The following WDR19 variants were observed in gnomAD, a reference collection of about 807,000 sequenced individuals.
The protein encoded by WDR19 is WD repeat domain 19, also known as WD repeat-containing protein 19.
In WDR19, 121 loss-of-function variants were observed where a neutral mutation model predicts 180.0. The observed-to-expected ratio is 0.67, with a 90% CI of 0.58 to 0.78. The LOEUF (loss-of-function observed/expected upper bound fraction) is 0.78, where lower values mean the gene tolerates loss of function less well. Ranked by LOEUF, WDR19 falls within the 30% of genes least tolerant of loss-of-function variation. The pLI, the probability that WDR19 is intolerant of heterozygous loss-of-function variation, is 0.00. For synonymous variants in WDR19, 497 were observed against 540.7 expected (o/e 0.92, Z 1.12); for missense variants, 1,450 against 1,640.7 (o/e 0.88, Z 2.01).
intron 36 of WDR19, among the ~76,000 whole-genome samples, chr4:39,281,785 C>T (rs185816339): frequency 3.3e-5 from 5 of 152,200 alleles, no homozygotes; most frequent in Admixed American, 2.0e-4. Flanking sequence ...TCTCTCAAGG[C>T]GATAATCATC....
intron 7 of WDR19, among the ~76,000 whole-genome samples, chr4:39,204,912 C>G (rs1170552202): frequency 6.6e-6 from 1 of 152,144 alleles, no homozygotes; most frequent in Non-Finnish European, 1.5e-5. Context: ...TAAATGGACA[C>G]TCCACAAAGG....
intron 5 of WDR19, chr4:39,194,891 C>T (rs1202874971): frequency 2.0e-5 from 9 of 449,364 alleles, no homozygotes; most frequent in Non-Finnish European, 3.2e-5. Flanking sequence ...CTGTGCCTTT[C>T]GCATCAGGAC....
At chr4:39,200,373 A>T (rs762269329) in intron 6 of WDR19, among the ~76,000 whole-genome samples, 7 of 152,244 alleles carry the variant, frequency 4.6e-5, no homozygotes, top group Non-Finnish European at 7.3e-5. Context: ...GATGCAGCTT[A>T]TCTGGGTGTC....
intron 28 of WDR19, among the ~76,000 whole-genome samples, chr4:39,261,656 A>G (rs527979551): frequency 6.6e-6 from 1 of 152,332 alleles, no homozygotes; most frequent in African/African-American, 2.4e-5. Context: ...AAGACATGGA[A>G]TTTCCACTAG....
intron 14 of WDR19, among the ~76,000 whole-genome samples, chr4:39,221,344 C>T (rs573307109): frequency 2.9e-4 from 44 of 152,238 alleles, no homozygotes; most frequent in African/African-American, 1.0e-3. Flanking sequence ...CTAAGATTTC[C>T]TGATGGAAAA....
chr4:39,285,788 TTAAAA>T lies in WDR19; in HGVS notation c.*322_*326del, dbSNP rs949426737. On this transcript the variant is annotated 3_prime_UTR_variant, in exon 37 of 37. Transcript: ENST00000399820. ...GCTAACTTTTGTATTTTGAAAAACT[TTAAAA>T]TAAAATTGTTGACTAGATATCTGTG... 1 of 152,230 alleles carries T rather than the reference TTAAAA, an allele frequency of 6.6e-6. No individual in the cohort carries two copies. The highest frequency in any genetic ancestry group is 1.5e-5 in the Non-Finnish European group (1 of 68,048). The allele number at this position is 152,230 out of a possible 1,614,324, so 9.4% of individuals were successfully genotyped here.
At chr4:39,206,286 T>G (rs1727945507) in intron 9 of WDR19, among the ~76,000 whole-genome samples, 2 of 152,188 alleles carry the variant, frequency 1.3e-5, no homozygotes, top group Non-Finnish European at 1.5e-5. Context: ...GTTTTCTTTT[T>G]CTTTTTTTGT....
intron 9 of WDR19, among the ~76,000 whole-genome samples, chr4:39,207,255 T>G (rs1728056366): frequency 6.6e-6 from 1 of 152,150 alleles, no homozygotes; most frequent in Non-Finnish European, 1.5e-5. Context: ...AGAGAGATCA[T>G]TAGAAAATAT....
intron 15 of WDR19, among the ~76,000 whole-genome samples, chr4:39,227,590 T>C (rs1381904495): frequency 6.6e-6 from 1 of 152,192 alleles, no homozygotes; most frequent in Non-Finnish European, 1.5e-5. Context: ...CTAGAGATGA[T>C]TTAAAGTATA....
At chr4:39,230,980 G>A (rs1490461229) in intron 17 of WDR19, among the ~76,000 whole-genome samples, 1 of 152,118 alleles carries the variant, frequency 6.6e-6, no homozygotes, top group Non-Finnish European at 1.5e-5. Context: ...ACTCAGTCTG[G>A]CTGTTGTAGC....
intron 32 of WDR19, chr4:39,273,284 A>G: frequency 2.0e-6 from 1 of 507,294 alleles, no homozygotes; most frequent in Non-Finnish European, 3.4e-6. Flanking sequence ...GCCGAGATTT[A>G]TCACAGCAAA....
intron 24 of WDR19, among the ~76,000 whole-genome samples, chr4:39,249,907 A>G (rs1316829904): frequency 6.6e-6 from 1 of 152,180 alleles, no homozygotes; most frequent in Non-Finnish European, 1.5e-5. Context: ...GCCAAATTCT[A>G]CCAGAGGTAC....
intron 20 of WDR19, among the ~76,000 whole-genome samples, chr4:39,236,113 C>G (rs1731347964): frequency 6.6e-6 from 1 of 152,126 alleles, no homozygotes; most frequent in South Asian, 2.1e-4. Flanking sequence ...TATCATTCGA[C>G]CCAGTAATAC....
At chr4:39,251,479 A>C (rs992568203) in intron 24 of WDR19, among the ~76,000 whole-genome samples, 12 of 151,640 alleles carry the variant, frequency 7.9e-5, no homozygotes, top group African/African-American at 2.9e-4. Context: ...AAACACCAAA[A>C]GCAATGGCAA....
intron 6 of WDR19, among the ~76,000 whole-genome samples, chr4:39,200,022 G>A (rs1427067851): frequency 6.6e-6 from 1 of 152,136 alleles, no homozygotes; most frequent in African/African-American, 2.4e-5. Flanking sequence ...TTAATTTTAA[G>A]ATTAAATGTT....
At position 39,267,980 on chromosome 4, in the gene WDR19, T is replaced by C; in HGVS notation, c.3262-15T>C. On this transcript the variant is annotated splice_polypyrimidine_tract_variant and intron_variant, in intron 29 of 36. Coordinates refer to ENST00000399820, the MANE Select transcript of WDR19 (RefSeq NM_025132.4). ...AATGAAGAAAGTAATGTTTCTATAATGGTTTATGTGTCAGGATGCCAAGTA... is the reference window on the plus strand; with the variant it reads ...AATGAAGAAAGTAATGTTTCTATAACGGTTTATGTGTCAGGATGCCAAGTA... 4 of 1,587,220 alleles carry C rather than the reference T, an allele frequency of 2.5e-6. No individual in the cohort carries two copies. Among genetic ancestry groups the C allele is most frequent in the Non-Finnish European group, 3.4e-6 (4 of 1,165,630 alleles).
intron 21 of WDR19, among the ~76,000 whole-genome samples, chr4:39,240,955 CAA>C (rs34831969): frequency 1.7e-4 from 20 of 115,710 alleles, no homozygotes; most frequent in African/African-American, 3.0e-4. Flanking sequence ...GACTCCATCT[CAA>C]AAAAAAAAAA....
intron 1 of WDR19, 52 bp from the exon 2 acceptor site, chr4:39,185,674 C>A: frequency 6.7e-7 from 1 of 1,503,500 alleles, no homozygotes; most frequent in South Asian, 1.2e-5. Flanking sequence ...CTTTTCTGAT[C>A]AACACTTGAT....
chr4:39,237,247 A>G (rs192514715), intron 20 of WDR19, among the ~76,000 whole-genome samples: 2 of 152,308 alleles, frequency 1.3e-5, no homozygotes, highest in East Asian at 3.9e-4. Context: ...TTCGTGTTGT[A>G]GGAGTTATTC....
Sources: gnomAD v4.1 joint callset for allele counts (sites outside exome capture counted in the v4.1 genomes callset) on GRCh38, gnomAD v4.1.1 for gene constraint, MANE v1.5 for transcripts, NCBI Gene and HGNC (gene_info 2026-07-23, HGNC 2026-07-21) for gene names.